Variants in RGS5 observed in about 807,000 individuals in gnomAD.
RGS5 encodes regulator of G-protein signalling 5.
Under a neutral mutation model 18.9 loss-of-function variants are expected in RGS5, and 20 were observed. That is an observed-to-expected ratio of 1.06 (90% CI 0.74 to 1.54). RGS5 has a LOEUF of 1.54. Among genes scored for constraint, RGS5 ranks in the 40% most tolerant of loss-of-function variants. The probability of loss-of-function intolerance (pLI) is 0.00; values close to 1 mark genes in which losing one functional copy is unlikely to be tolerated. For missense variants in RGS5, 201 were observed against 211.8 expected (o/e 0.95, Z 0.32); for synonymous variants, 57 against 76.2 (o/e 0.75, Z 1.31).
At chr1:163,248,102 T>G (rs996262873) in intron 2 of RGS5, among the ~76,000 whole-genome samples, 7 of 152,164 alleles carry the variant, frequency 4.6e-5, no homozygotes, top group Admixed American at 4.6e-4. Context: ...TTACCACCCT[T>G]AGTACAGAGA....
intron 4 of RGS5, among the ~76,000 whole-genome samples, chr1:163,151,898 T>C (rs190334060): frequency 6.6e-6 from 1 of 152,330 alleles, no homozygotes; most frequent in East Asian, 1.9e-4. Context: ...AATATTTACA[T>C]ATACATAATG....
intron 2 of RGS5, among the ~76,000 whole-genome samples, chr1:163,293,468 C>T (rs2101727154): frequency 6.6e-6 from 1 of 152,216 alleles, no homozygotes; most frequent in Non-Finnish European, 1.5e-5. Flanking sequence ...GGAAACTGTC[C>T]CCATGATCCA....
rs1657000097 is a variant in RGS5, at chr1:163,143,368, T to C, written c.*3974A>G. 6.6e-6 allele frequency: 1 copy of C among 152,196 alleles called. No homozygotes were observed. The highest frequency in any genetic ancestry group is 1.5e-5 in the Non-Finnish European group (1 of 68,036). The allele number at this position is 152,196 out of a possible 1,614,324, so 9.4% of individuals were successfully genotyped here. On this transcript the variant is annotated 3_prime_UTR_variant, in exon 5 of 5. Transcript: ENST00000313961. ...CCCCTTGGGTTTCGATGCTTGGATG[T>C]TGGAGATTACATTTTCTATTCTCTG...
rs548216270 is a variant in RGS5 at position 163,156,776 on chromosome 1, C to T, written c.218-4060G>A. On this transcript the variant is annotated intron_variant, in intron 3 of 4. Coordinates refer to ENST00000313961, the MANE Select transcript of RGS5 (RefSeq NM_003617.4). ...GCATTTTATTTCATGGGCAAGTTACCTAATTCCCCTTAATCTCAATTTCAT... is the reference window on the plus strand; with the variant it reads ...GCATTTTATTTCATGGGCAAGTTACTTAATTCCCCTTAATCTCAATTTCAT... Among the ~76,000 whole-genome samples, 17 of 152,200 alleles carry T rather than the reference C, an allele frequency of 1.1e-4. No individual in the cohort carries two copies. In the South Asian group the frequency reaches 2.9e-3, roughly 26 times the overall value.
rs191616499 is a variant in RGS5, at chr1:163,246,246, A to T, written c.-281+59987T>A. On this transcript the variant is annotated intron_variant, in intron 2 of 5. Transcript: ENST00000618415. ...AAAAAAAAAAAAATTAATTAATTAA[A>T]TAAATAAAAATAATAACAATAAAAA... is the stretch of plus-strand genomic sequence containing the variant. Among the ~76,000 whole-genome samples, 919 of 149,594 alleles carry T rather than the reference A, an allele frequency of 6.1e-3. 8 individuals carry two copies. Among genetic ancestry groups the T allele is most frequent in the African/African-American group, 0.021 (879 of 40,930 alleles).
intron 3 of RGS5, among the ~76,000 whole-genome samples, chr1:163,160,268 G>A (rs903417645): frequency 3.3e-5 from 5 of 152,050 alleles, no homozygotes; most frequent in Admixed American, 6.6e-5. Context: ...TTTGACAATA[G>A]CAATAAATAC....
intron 1 of RGS5, among the ~76,000 whole-genome samples, chr1:163,176,773 A>G (rs1658580336): frequency 6.6e-6 from 1 of 152,196 alleles, no homozygotes; most frequent in African/African-American, 2.4e-5. Flanking sequence ...CAACGAAATA[A>G]AAAAGATAAG....
At chr1:163,170,146 C>A (rs897806448) in intron 1 of RGS5, among the ~76,000 whole-genome samples, 5 of 152,142 alleles carry the variant, frequency 3.3e-5, no homozygotes, top group East Asian at 1.9e-4. Context: ...AAAAAGCTAC[C>A]CTTTCCCAGT....
At chr1:163,285,045 A>G (rs1649107162) in intron 2 of RGS5, among the ~76,000 whole-genome samples, 1 of 152,154 alleles carries the variant, frequency 6.6e-6, no homozygotes, top group African/African-American at 2.4e-5. Context: ...TAAAACCACC[A>G]GATCTCATGA....
intron 2 of RGS5, among the ~76,000 whole-genome samples, chr1:163,292,396 C>T (rs1362656586): frequency 6.6e-6 from 1 of 152,182 alleles, no homozygotes; most frequent in Non-Finnish European, 1.5e-5. Context: ...ATATGTACCA[C>T]ATTTTCTTTA....
At position 163,146,500 on chromosome 1, in the gene RGS5, T is replaced by A. The variant is rs545305601; in HGVS notation, c.*842A>T. The A allele has an allele frequency of 3.4e-4, 52 of 152,266 alleles. No homozygotes were observed. Among genetic ancestry groups the A allele is most frequent in the African/African-American group, 1.2e-3 (50 of 41,554 alleles). The allele number at this position is 152,266 out of a possible 1,614,324, so 9.4% of individuals were successfully genotyped here. ...ACAGTTTCATTTTACATGATTGGAT[T>A]TAGAAATTTACAAATTTTAAACTCA... On this transcript the variant is annotated 3_prime_UTR_variant, in exon 5 of 5. Transcript: ENST00000313961.
chr1:163,231,351 T>C (rs1444925040), intron 2 of RGS5, among the ~76,000 whole-genome samples: 2 of 152,092 alleles, frequency 1.3e-5, no homozygotes, highest in African/African-American at 2.4e-5. Flanking sequence ...AACAGAGGCA[T>C]GGAAATGACA....
rs1354797617 is a variant in RGS5, at chr1:163,143,877, T to C, written c.*3465A>G. On this transcript the variant is annotated 3_prime_UTR_variant, in exon 5 of 5. Coordinates refer to ENST00000313961, the MANE Select transcript of RGS5 (RefSeq NM_003617.4). Reference sequence around the variant, plus strand: ...TTATTTGTTAATGGCCCAGTTTTTATTGAAACTTTTGCATGTCTATTACTC... The same window carrying C: ...TTATTTGTTAATGGCCCAGTTTTTACTGAAACTTTTGCATGTCTATTACTC... 6.6e-6 allele frequency: 1 copy of C among 152,182 alleles called. No individual in the cohort carries two copies. Among genetic ancestry groups the C allele is most frequent in the Admixed American group, 6.5e-5 (1 of 15,268 alleles). 9.4% of individuals were successfully genotyped at this position (152,182 alleles called of 1,614,324 possible). A position where few individuals can be genotyped will look rare whatever the true frequency, so the allele number is the denominator to read the frequency against.
At chr1:163,166,877 C>G (rs779485714) in intron 2 of RGS5, among the ~76,000 whole-genome samples, 1 of 152,134 alleles carries the variant, frequency 6.6e-6, no homozygotes, top group African/African-American at 2.4e-5. Context: ...TTAATACCAA[C>G]GGATCAATAA....
At chr1:163,287,986 C>T (rs145727524) in intron 2 of RGS5, among the ~76,000 whole-genome samples, 4 of 152,292 alleles carry the variant, frequency 2.6e-5, no homozygotes, top group African/African-American at 9.6e-5. Context: ...AGTCCCAAAA[C>T]TGATTTTTAA....
intron 2 of RGS5, among the ~76,000 whole-genome samples, chr1:163,229,411 G>A (rs1482277210): frequency 1.3e-5 from 2 of 152,184 alleles, no homozygotes; most frequent in African/African-American, 4.8e-5. Flanking sequence ...ACCTGGTCCT[G>A]CCCTTGACAT....
chr1:163,202,359 T>A (rs1029730001), intron 1 of RGS5, among the ~76,000 whole-genome samples: 12 of 152,184 alleles, frequency 7.9e-5, no homozygotes, highest in Admixed American at 4.6e-4. Context: ...GAACTCTCGG[T>A]ATCTCCATTT....
At chr1:163,172,902 C>T (rs1658369805) in intron 1 of RGS5, among the ~76,000 whole-genome samples, 1 of 152,134 alleles carries the variant, frequency 6.6e-6, no homozygotes, top group Non-Finnish European at 1.5e-5. Flanking sequence ...CCTCAAGAAT[C>T]CCTGGAATAT....
chr1:163,153,976 C>T (rs764763717), intron 3 of RGS5, among the ~76,000 whole-genome samples: 25 of 152,066 alleles, frequency 1.6e-4, no homozygotes, highest in Non-Finnish European at 3.4e-4. Flanking sequence ...AAATCACAGA[C>T]CTACCCTCAG....
Sources: allele counts gnomAD v4.1 joint callset (sites outside exome capture counted in the v4.1 genomes callset), GRCh38; gene constraint gnomAD v4.1.1; transcripts MANE v1.5; gene names NCBI Gene and HGNC (gene_info 2026-07-23, HGNC 2026-07-21).